The following DPYSL4 variants were observed in gnomAD, a reference collection of about 807,000 sequenced individuals.
The protein encoded by DPYSL4 is dihydropyrimidinase-related protein 4.
DPYSL4 carries 43 observed loss-of-function variants against 63.4 expected under a neutral mutation model. That is an observed-to-expected ratio of 0.68 (90% CI 0.53 to 0.88). The LOEUF (loss-of-function observed/expected upper bound fraction) is 0.88, where lower values mean the gene tolerates loss of function less well. Ranked by LOEUF, DPYSL4 falls within the 40% of genes least tolerant of loss-of-function variation. The probability of loss-of-function intolerance (pLI) is 0.00; values close to 1 mark genes in which losing one functional copy is unlikely to be tolerated. For synonymous variants in DPYSL4, 353 were observed against 331.7 expected, an observed-to-expected ratio of 1.06 and a Z score of -0.70; for missense variants, 733 against 819.5, an observed-to-expected ratio of 0.89 and a Z score of 1.29.
rs369284540 is a variant in DPYSL4, at chr10:132,196,899, C to T, written c.517C>T (p.Arg173Trp). The T allele has an allele frequency of 4.9e-5, 79 of 1,613,718 alleles. No homozygotes were observed. Among genetic ancestry groups the T allele is most frequent in the South Asian group, 9.9e-5 (9 of 91,074 alleles). ...SFLVFMAYKDRCQCSDSQMYE... is the reference protein window; with the variant it reads ...SFLVFMAYKDWCQCSDSQMYE... Reference sequence around the variant, plus strand: ...CCTGGTCTTCATGGCATACAAGGACCGGTGCCAGTGCAGCGACAGCCAGGT... The same window carrying T: ...CCTGGTCTTCATGGCATACAAGGACTGGTGCCAGTGCAGCGACAGCCAGGT... Residue 173 changes from arginine to tryptophan, a missense_variant, in exon 5 of 14, where the codon CGG becomes TGG. By Grantham distance (101) the Arg-to-Trp change is moderately radical. Transcript: ENST00000338492.
rs1565049167 is a variant in DPYSL4 at position 132,205,158 on chromosome 10, G to A, written c.*228G>A. The A allele has an allele frequency of 1.5e-5, 6 of 387,586 alleles. No homozygotes were observed. In the South Asian group the frequency reaches 3.5e-4, roughly 22 times the overall value. The allele number at this position is 387,586 out of a possible 1,614,324, so 24.0% of individuals were successfully genotyped here. On this transcript the variant is annotated 3_prime_UTR_variant, in exon 14 of 14. Coordinates refer to ENST00000338492, the MANE Select transcript of DPYSL4 (RefSeq NM_006426.3). ...TGGGGAGATGTCACTGCCAGGGTGA[G>A]GTGGAGCCACATGGCAGGGACAATG... is the stretch of plus-strand genomic sequence containing the variant.
intron 2 of DPYSL4, chr10:132,192,293 G>T (rs995132211): frequency 4.0e-6 from 4 of 992,636 alleles, no homozygotes; most frequent in Non-Finnish European, 4.8e-6. Context: ...CACTTAGTAT[G>T]GTGCCTGGCT....
At chr10:132,199,104 G>T in intron 8 of DPYSL4, 133 bp downstream of exon 8, 1 of 1,346,448 alleles carries the variant, frequency 7.4e-7, no homozygotes, top group Non-Finnish European at 9.9e-7. Context: ...CTGCATCGGG[G>T]TGGGGCACTG....
At chr10:132,202,958 C>A in intron 12 of DPYSL4, 133 bp downstream of exon 12, 1 of 1,132,860 alleles carries the variant, frequency 8.8e-7, no homozygotes, top group Non-Finnish European at 1.2e-6. Flanking sequence ...CGCTGCTTGC[C>A]CAGGGCCCTG....
At position 132,189,077 on chromosome 10, in the gene DPYSL4, T is replaced by C. The variant is rs151161590; in HGVS notation, c.40-1670T>C. On this transcript the variant is annotated intron_variant, in intron 1 of 13. Coordinates refer to ENST00000338492, the MANE Select transcript of DPYSL4 (RefSeq NM_006426.3). ...TTACCAATTGTGCACTTCAGTTTAA[T>C]GCTCTTGGCTTCAGACTGACGGTGC... Among the ~76,000 whole-genome samples, 10 of 152,370 alleles carry C rather than the reference T, an allele frequency of 6.6e-5. No individual in the cohort carries two copies. The East Asian group carries it at 1.9e-3, about 29-fold the overall frequency.
At position 132,195,143 on chromosome 10, in the gene DPYSL4, A is replaced by G. The variant is rs183218847; in HGVS notation, c.478+134A>G. On this transcript the variant is annotated intron_variant, in intron 4 of 13. Transcript: ENST00000338492. The stretch of plus-strand genomic sequence containing the variant: ...CCAGGTTTGAGTGGAAGTTGGAGAA[A>G]AGTCATTTGAAGGCCCATCCCACCT... The G allele has an allele frequency of 7.5e-3, 7,791 of 1,044,972 alleles. 119 individuals are homozygous for G. The highest frequency in any genetic ancestry group is 0.037 in the South Asian group (2,082 of 56,530). 64.7% of individuals were successfully genotyped at this position (1,044,972 alleles called of 1,614,324 possible).
At chr10:132,199,572 C>G (rs2061985659) in intron 8 of DPYSL4, among the ~76,000 whole-genome samples, 1 of 151,912 alleles carries the variant, frequency 6.6e-6, no homozygotes, top group African/African-American at 2.4e-5. Context: ...GGGGCATCCC[C>G]TAGGCGGCCT....
chr10:132,198,094 A>G (rs1390476196), intron 6 of DPYSL4, among the ~76,000 whole-genome samples: 2 of 152,142 alleles, frequency 1.3e-5, no homozygotes, highest in Non-Finnish European at 2.9e-5. Flanking sequence ...ACCCCCACAC[A>G]TGCCCCCGCT....
At position 132,200,661 on chromosome 10, in the gene DPYSL4, C is replaced by T. The variant is rs373858157; in HGVS notation, c.968+149C>T. 3.2e-4 allele frequency: 432 copies of T among 1,367,576 alleles called. 2 individuals are homozygous for T. In the South Asian group the frequency reaches 5.5e-3, roughly 17 times the overall value. 84.7% of individuals were successfully genotyped at this position (1,367,576 alleles called of 1,614,324 possible). ...GGAAGTCTGAGCCCTTTGGTCCCAG[C>T]GGGGGCTCCCCTGGCAGGAACCAGT... is the stretch of plus-strand genomic sequence containing the variant. On this transcript the variant is annotated intron_variant, in intron 9 of 13. Transcript: ENST00000338492.
chr10:132,199,791 G>A (rs938975363), intron 8 of DPYSL4, among the ~76,000 whole-genome samples: 5 of 152,072 alleles, frequency 3.3e-5, no homozygotes, highest in Admixed American at 1.3e-4. Context: ...ACTCTGAGGC[G>A]TGCAGGTGAA....
chr10:132,203,716 A>G, intron 12 of DPYSL4, 46 bp from the exon 13 acceptor site: 1 of 1,471,884 alleles, frequency 6.8e-7, no homozygotes, highest in East Asian at 3.9e-5. Context: ...ACAGCTGCCC[A>G]GGCTCAGCCC....
intron 12 of DPYSL4, 194 bp from the exon 13 acceptor site, chr10:132,203,568 A>G (rs1019708492): frequency 8.7e-5 from 51 of 588,976 alleles, no homozygotes; most frequent in Non-Finnish European, 1.5e-4. Context: ...GACTGCAAGG[A>G]GGGAGGCGTG....
rs2061977176 is a variant in DPYSL4, at chr10:132,198,868, G to A, written c.708G>A (p.Val236=). 2 of 1,612,964 alleles carry A rather than the reference G, an allele frequency of 1.2e-6. No individual in the cohort carries two copies. Among genetic ancestry groups the A allele is most frequent in the Non-Finnish European group, 1.7e-6 (2 of 1,179,920 alleles). ...SHPEEVEAEA[V]YRAVTIAKQA... ...GTCCCCAGGTGGAGGCTGAGGCGGTGTACCGAGCTGTCACCATCGCCAAGC... is the reference window on the plus strand; with the variant it reads ...GTCCCCAGGTGGAGGCTGAGGCGGTATACCGAGCTGTCACCATCGCCAAGC... Residue 236 remains valine, a synonymous_variant, in exon 8 of 14, where the codon GTG becomes GTA. Coordinates refer to ENST00000338492, the MANE Select transcript of DPYSL4 (RefSeq NM_006426.3).
intron 10 of DPYSL4, 144 bp downstream of exon 10, chr10:132,201,127 C>A: frequency 8.0e-7 from 1 of 1,253,538 alleles, no homozygotes; most frequent in Non-Finnish European, 1.1e-6. Context: ...GCGGATTCCC[C>A]ACCCAGGGCG....
At chr10:132,203,727 C>A in intron 12 of DPYSL4, 35 bp from the exon 13 acceptor site, 1 of 1,574,730 alleles carries the variant, frequency 6.4e-7, no homozygotes, top group Non-Finnish European at 8.6e-7. Flanking sequence ...GGCTCAGCCC[C>A]TCATGCCCTG....
At position 132,202,804 on chromosome 10, in the gene DPYSL4, G is replaced by A; in HGVS notation, c.1440G>A (p.Lys480=). The A allele has an allele frequency of 6.2e-7, 1 of 1,604,582 alleles. No homozygotes were observed. The highest frequency in any genetic ancestry group is 1.7e-4 in the Middle Eastern group (1 of 6,016). Residue 480 remains lysine (K), a synonymous_variant, in exon 12 of 14, where the codon AAG becomes AAA. Coordinates refer to ENST00000338492, the MANE Select transcript of DPYSL4 (RefSeq NM_006426.3). ...AAACATTCCCGGACTTTGTCTACAA[G>A]AGGATCAAAGCTCGCAACAGGGTAG... is the stretch of plus-strand genomic sequence containing the variant. ...PRKTFPDFVY[K]RIKARNRLAE... is the part of the protein sequence containing the mutation.
intron 1 of DPYSL4, among the ~76,000 whole-genome samples, chr10:132,189,366 C>T (rs193300577): frequency 7.2e-5 from 11 of 152,362 alleles, no homozygotes; most frequent in South Asian, 4.1e-4. Context: ...TCACCTCTGA[C>T]GGTCATGCAG....
chr10:132,197,444 T>C (rs1041359195), intron 6 of DPYSL4, among the ~76,000 whole-genome samples: 1 of 152,234 alleles, frequency 6.6e-6, no homozygotes, highest in East Asian at 1.9e-4. Flanking sequence ...ACCACCTTCC[T>C]TCCAGCCAAG....
At chr10:132,191,968 G>A (rs55671154) in intron 2 of DPYSL4, among the ~76,000 whole-genome samples, 4,311 of 107,734 alleles carry the variant, frequency 0.04, 29 homozygotes, top group Middle Eastern at 0.064. Flanking sequence ...TTCCCAGCTC[G>A]TGTGTACACG....
Sources: allele counts gnomAD v4.1 joint callset (sites outside exome capture counted in the v4.1 genomes callset), GRCh38; gene constraint gnomAD v4.1.1; transcripts MANE v1.5; gene names NCBI Gene and HGNC (gene_info 2026-07-23, HGNC 2026-07-21).